PCLAF: variants seen among roughly 807,000 people sequenced by gnomAD.
PCLAF encodes PCNA clamp associated factor, also known as PCNA-associated factor.
PCLAF carries 12 observed loss-of-function variants against 15.1 expected under a neutral mutation model. That is an observed-to-expected ratio of 0.79 (90% confidence interval 0.51 to 1.29). PCLAF has a LOEUF of 1.29. PCLAF is among the 50% of genes most tolerant of loss of function. PCLAF has a pLI of 0.00. For synonymous variants in PCLAF, 33 were observed against 47.1 expected, an observed-to-expected ratio of 0.70 and a Z score of 1.22; for missense variants, 116 against 130.9, an observed-to-expected ratio of 0.89 and a Z score of 0.56.
At chr15:64,378,148 G>C (rs1257713260) in intron 2 of PCLAF, among the ~76,000 whole-genome samples, 1 of 151,974 alleles carries the variant, frequency 6.6e-6, no homozygotes, top group Non-Finnish European at 1.5e-5. Context: ...GGATGGTCTC[G>C]ATCTCCTGAC....
Position 64,387,657 on chromosome 15 carries a change from C to T in PCLAF, n.31G>A, listed in dbSNP as rs992349518. The T allele has an allele frequency of 4.2e-6, 6 of 1,412,472 alleles. No homozygotes were observed. In the South Asian group the frequency reaches 4.6e-5, roughly 11 times the overall value. 87.5% of individuals were successfully genotyped at this position (1,412,472 alleles called of 1,614,324 possible). On this transcript the variant is annotated non_coding_transcript_exon_variant, in exon 1 of 2. Coordinates refer to the PCLAF transcript ENST00000558250. Reference sequence around the variant, plus strand: ...GCAAGAATCATGCACTGACAGAGCTCGACTCCGGAGGGCACAAGGAAGTAG... The same window carrying T: ...GCAAGAATCATGCACTGACAGAGCTTGACTCCGGAGGGCACAAGGAAGTAG...
At chr15:64,368,364 A>G (rs1270439774) in intron 3 of PCLAF, among the ~76,000 whole-genome samples, 2 of 152,182 alleles carry the variant, frequency 1.3e-5, no homozygotes, top group East Asian at 3.8e-4. Flanking sequence ...TCAGTATTAG[A>G]TAACAAAGAT....
intron 3 of PCLAF, 57 bp from the exon 4 acceptor site, chr15:64,366,132 A>G (rs1899020034): frequency 7.5e-7 from 1 of 1,333,332 alleles, no homozygotes; most frequent in African/African-American, 1.5e-5. Flanking sequence ...TTTGAAAAAA[A>G]TAGTTACAAA....
Position 64,365,975 on chromosome 15 carries a change from T to G in PCLAF, c.*55A>C. ...ACAAACACATTTATGTAAATTTACA[T>G]TCTAGAATACCAGGGTAAACAAGGA... On this transcript the variant is annotated 3_prime_UTR_variant, in exon 4 of 4. Transcript: ENST00000300035. The G allele has an allele frequency of 7.2e-7, 1 of 1,384,252 alleles. No individual in the cohort carries two copies. The highest frequency in any genetic ancestry group is 1.0e-6 in the Non-Finnish European group (1 of 977,482). The allele number at this position is 1,384,252 out of a possible 1,614,324, so 85.7% of individuals were successfully genotyped here.
chr15:64,365,889 G>C lies in PCLAF; in HGVS notation c.*141C>G, dbSNP rs1409293652. The C allele has an allele frequency of 2.9e-6, 2 of 683,378 alleles. No homozygotes were observed. The highest frequency in any genetic ancestry group is 3.7e-5 in the African/African-American group (2 of 54,186). 42.3% of individuals were successfully genotyped at this position (683,378 alleles called of 1,614,324 possible). A position where few individuals can be genotyped will look rare whatever the true frequency, so the allele number is the denominator to read the frequency against. ...ATTCTCAAATTTCACAACTACTTTT[G>C]AACATCTAAATTTAAACCTAAATTT... On this transcript the variant is annotated 3_prime_UTR_variant, in exon 4 of 4. Coordinates refer to ENST00000300035, the MANE Select transcript of PCLAF (RefSeq NM_014736.6).
intron 3 of PCLAF, among the ~76,000 whole-genome samples, chr15:64,369,573 T>G (rs538821006): frequency 6.6e-6 from 1 of 152,202 alleles, no homozygotes; most frequent in South Asian, 2.1e-4. Context: ...TCTTTTTTTT[T>G]GAGATGGAGT....
chr15:64,373,575 T>C, intron 3 of PCLAF: 1 of 1,434,114 alleles, frequency 7.0e-7, no homozygotes, highest in Non-Finnish European at 9.1e-7. Context: ...TTGGAGGGCT[T>C]TGTGGTTTCG....
chr15:64,377,641 G>A (rs28520972), intron 2 of PCLAF, among the ~76,000 whole-genome samples: 5,790 of 143,352 alleles, frequency 0.04, 356 homozygotes, highest in African/African-American at 0.14. Context: ...AGGTCATTTA[G>A]TTAAAGCACA....
intron 2 of PCLAF, 52 bp downstream of exon 2, chr15:64,380,906 G>C: frequency 2.1e-6 from 3 of 1,460,086 alleles, no homozygotes; most frequent in Non-Finnish European, 2.9e-6. Context: ...GGCAAGCCAG[G>C]GGCTTGCAGG....
intron 2 of PCLAF, among the ~76,000 whole-genome samples, chr15:64,377,432 T>C (rs1899636358): frequency 8.0e-6 from 1 of 125,046 alleles, no homozygotes. Flanking sequence ...GCGCCGCCAC[T>C]GCACACTCCA....
chr15:64,384,661 G>A (rs1029096573), upstream of PCLAF, among the ~76,000 whole-genome samples: 2 of 150,826 alleles, frequency 1.3e-5, no homozygotes, highest in African/African-American at 4.9e-5. Flanking sequence ...AGAATCACTG[G>A]AACCTGGGAG....
chr15:64,373,878 AT>A, intron 3 of PCLAF: 2 of 1,024,302 alleles, frequency 2.0e-6, no homozygotes, highest in Non-Finnish European at 2.7e-6. Context: ...GAAACAAAAC[AT>A]TTAAGTTGCT....
rs1160261852 is a variant in PCLAF, at chr15:64,376,370, C to A, written c.290+373G>T. 2.6e-5 allele frequency among the ~76,000 whole-genome samples: 4 copies of A among 151,832 alleles called. No individual in the cohort carries two copies. In the East Asian group the frequency reaches 7.7e-4, roughly 29 times the overall value. Reference sequence around the variant, plus strand: ...TTGTCCTTTATTTTCAAGATATTTTCTTTATTAATTAATTAATTAATTTTT... The same window carrying A: ...TTGTCCTTTATTTTCAAGATATTTTATTTATTAATTAATTAATTAATTTTT... On this transcript the variant is annotated intron_variant, in intron 3 of 3. Transcript: ENST00000300035.
intron 3 of PCLAF, among the ~76,000 whole-genome samples, chr15:64,366,528 A>AT (rs1899039861): frequency 6.6e-6 from 1 of 152,166 alleles, no homozygotes; most frequent in South Asian, 2.1e-4. Context: ...ATGTGATTAC[A>AT]TTAACTAATT....
In PCLAF at chr15:64,369,024, A is replaced by C. The variant is rs529580862; in HGVS notation, c.291-2949T>G. Among the ~76,000 whole-genome samples, 4 of 152,302 alleles carry C rather than the reference A, an allele frequency of 2.6e-5. No individual in the cohort carries two copies. The East Asian group carries it at 7.7e-4, about 29-fold the overall frequency. On this transcript the variant is annotated intron_variant, in intron 3 of 3. Transcript: ENST00000300035. ...AATGACAGAGAACTAAAAGAAATTT[A>C]TTGGATCAGGAAAGCAAAACTATTA...
intron 3 of PCLAF, among the ~76,000 whole-genome samples, chr15:64,368,522 C>CT (rs1030283288): frequency 2.6e-5 from 4 of 152,170 alleles, no homozygotes; most frequent in Non-Finnish European, 5.9e-5. Flanking sequence ...GATTCTGACT[C>CT]TTCCCCCACG....
intron 3 of PCLAF, among the ~76,000 whole-genome samples, chr15:64,371,383 A>G (rs930624730): frequency 1.3e-4 from 20 of 151,974 alleles, no homozygotes; most frequent in African/African-American, 4.8e-4. Context: ...GTCCTGCTTC[A>G]GCCACCTGAG....
chr15:64,381,448 A>G, upstream of PCLAF: 1 of 1,608,466 alleles, frequency 6.2e-7, no homozygotes, highest in Non-Finnish European at 8.5e-7. Context: ...AAGGACCCGA[A>G]AACTATCCCG....
chr15:64,382,058 G>T (rs1046916887), upstream of PCLAF, among the ~76,000 whole-genome samples: 1 of 152,092 alleles, frequency 6.6e-6, no homozygotes, highest in Non-Finnish European at 1.5e-5. Flanking sequence ...CTAATAAAAC[G>T]TCTTCTTGAG....
Sources: allele counts gnomAD v4.1 joint callset (sites outside exome capture counted in the v4.1 genomes callset), GRCh38; gene constraint gnomAD v4.1.1; transcripts MANE v1.5; gene names NCBI Gene and HGNC (gene_info 2026-07-23, HGNC 2026-07-21).